Variants in EML6 observed in about 807,000 individuals in gnomAD.
EML6 encodes echinoderm microtubule-associated protein-like 6.
In EML6, 154 loss-of-function variants were observed where a neutral mutation model predicts 240.1. The ratio of observed to expected loss-of-function variants is 0.64; its 90% confidence interval spans 0.56 to 0.73. The LOEUF (loss-of-function observed/expected upper bound fraction) is 0.73. EML6 is among the 30% of genes least tolerant of loss of function. The pLI is 0.00. For synonymous variants in EML6, 1,148 were observed against 899.0 expected (o/e 1.28, Z -4.95); for missense variants, 2,964 against 2,474.6 (o/e 1.20, Z -4.20).
chr2:54,818,666 G>A (rs931550628), intron 4 of EML6, among the ~76,000 whole-genome samples: 6 of 152,312 alleles, frequency 3.9e-5, no homozygotes, highest in Admixed American at 3.9e-4. Context: ...TGACTTGCCT[G>A]TATGTTTCAG....
chr2:54,890,121 AC>A (rs1467277265), intron 17 of EML6, among the ~76,000 whole-genome samples: 1 of 152,140 alleles, frequency 6.6e-6, no homozygotes, highest in Non-Finnish European at 1.5e-5. Context: ...TTTGTCAAAT[AC>A]CTTTTCAGCA....
chr2:54,892,632 G>A lies in EML6; in HGVS notation c.2718G>A (p.Val906=), dbSNP rs1283250404. Residue 906 remains valine (V), a synonymous_variant, in exon 19 of 42, where the codon GTG becomes GTA. Coordinates refer to ENST00000356458, the MANE Select transcript of EML6 (RefSeq NM_001039753.4). ...CAGTGAAAGCTCATGATGGGCCTGTGTTTGCTATGTATGCACTGGATAAGG... is the reference window on the plus strand; with the variant it reads ...CAGTGAAAGCTCATGATGGGCCTGTATTTGCTATGTATGCACTGGATAAGG... The part of the protein sequence containing the change: ...LKTVKAHDGP[V]FAMYALDKGF... 6.4e-7 allele frequency: 1 copy of A among 1,551,648 alleles called. No individual in the cohort carries two copies. The highest frequency in any genetic ancestry group is 1.4e-5 in the African/African-American group (1 of 73,140).
intron 32 of EML6, 53 bp downstream of exon 32, chr2:54,954,209 G>C (rs759410684): frequency 1.3e-6 from 2 of 1,487,388 alleles, no homozygotes; most frequent in Non-Finnish European, 1.8e-6. Flanking sequence ...TGTGGGTGTC[G>C]AGCCTGTGGG....
At chr2:54,797,269 G>A (rs1669868393) in intron 2 of EML6, among the ~76,000 whole-genome samples, 1 of 151,542 alleles carries the variant, frequency 6.6e-6, no homozygotes, top group African/African-American at 2.4e-5. Flanking sequence ...GATGGATGCT[G>A]CTGGTCTGAA....
chr2:54,857,484 A>T (rs984640694), intron 11 of EML6, among the ~76,000 whole-genome samples: 2 of 152,234 alleles, frequency 1.3e-5, no homozygotes, highest in African/African-American at 4.8e-5. Context: ...TAGGCCAGTG[A>T]TGAAAACAAG....
chr2:54,762,913 G>C lies in EML6; in HGVS notation c.197+37655G>C, dbSNP rs78147727. ...TTGTTCTTGACCTTTTCAGCAGATG[G>C]AGCTGGGGAATATATATACCTACAC... is the stretch of plus-strand genomic sequence containing the variant. On this transcript the variant is annotated intron_variant, in intron 2 of 41. Coordinates refer to ENST00000356458, the MANE Select transcript of EML6 (RefSeq NM_001039753.4). Among the ~76,000 whole-genome samples, 292 of 152,258 alleles carry C rather than the reference G, an allele frequency of 1.9e-3. 1 individual carries two copies. In the East Asian group the frequency reaches 0.03, roughly 16 times the overall value.
At chr2:54,953,388 T>C (rs1194758311) in intron 31 of EML6, among the ~76,000 whole-genome samples, 1 of 152,242 alleles carries the variant, frequency 6.6e-6, no homozygotes, top group Non-Finnish European at 1.5e-5. Flanking sequence ...TGTTTGCTGA[T>C]TGTATCTTGC....
intron 2 of EML6, among the ~76,000 whole-genome samples, chr2:54,763,151 G>A (rs906797704): frequency 1.3e-5 from 2 of 152,186 alleles, no homozygotes; most frequent in Non-Finnish European, 2.9e-5. Flanking sequence ...GCATAAAATA[G>A]TTTCAGGATT....
At chr2:54,847,363 G>T in intron 8 of EML6, 123 bp from the exon 9 acceptor site, 2 of 975,932 alleles carry the variant, frequency 2.0e-6, no homozygotes, top group Non-Finnish European at 3.0e-6. Flanking sequence ...AAGGGCTCTG[G>T]TGTGAAGTTC....
chr2:54,823,397 C>G (rs975439759), intron 5 of EML6, among the ~76,000 whole-genome samples: 3 of 152,066 alleles, frequency 2.0e-5, no homozygotes, highest in Non-Finnish European at 2.9e-5. Context: ...TGGGTGGGTC[C>G]TTGGCTCATG....
chr2:54,851,051 A>G (rs920187221), intron 10 of EML6, among the ~76,000 whole-genome samples: 1 of 152,234 alleles, frequency 6.6e-6, no homozygotes, highest in Non-Finnish European at 1.5e-5. Context: ...TTAACAATGC[A>G]TGGGAATGAT....
At chr2:54,922,420 C>T (rs1156763664) in intron 26 of EML6, among the ~76,000 whole-genome samples, 7 of 152,048 alleles carry the variant, frequency 4.6e-5, no homozygotes, top group South Asian at 2.1e-4. Flanking sequence ...AGGAAGGGAA[C>T]CCTTGTACAC....
In EML6 at chr2:54,895,373, G is replaced by C; in HGVS notation, c.2955G>C (p.Lys985Asn). Residue 985 changes from lysine to asparagine, a missense_variant, in exon 21 of 42, where the codon AAG becomes AAC. Transcript: ENST00000356458. ...TKNGEILEID[K>N]SGPMTLLVQG... Reference sequence around the variant, plus strand: ...ATGGAGAGATTCTGGAAATTGATAAGAGTGGCCCAATGACACTGCTTGTTC... The same window carrying C: ...ATGGAGAGATTCTGGAAATTGATAACAGTGGCCCAATGACACTGCTTGTTC... 2 of 1,552,010 alleles carry C rather than the reference G, an allele frequency of 1.3e-6. No individual in the cohort carries two copies. Among genetic ancestry groups the C allele is most frequent in the South Asian group, 2.4e-5 (2 of 84,058 alleles).
intron 2 of EML6, among the ~76,000 whole-genome samples, chr2:54,755,994 G>T (rs752717850): frequency 1.4e-4 from 22 of 151,994 alleles, no homozygotes; most frequent in Non-Finnish European, 2.8e-4. Context: ...GTATGCAGAG[G>T]GTTGGACTTT....
At chr2:54,934,318 T>G (rs1209533154) in intron 28 of EML6, among the ~76,000 whole-genome samples, 2 of 152,116 alleles carry the variant, frequency 1.3e-5, no homozygotes, top group Admixed American at 6.5e-5. Flanking sequence ...TGGGAAAATT[T>G]GTATCCTCCC....
chr2:54,820,971 G>C (rs761962584), intron 5 of EML6, among the ~76,000 whole-genome samples: 1 of 151,954 alleles, frequency 6.6e-6, no homozygotes, highest in Non-Finnish European at 1.5e-5. Context: ...CTCTCATCTG[G>C]GTAGACCTAC....
chr2:54,966,958 G>T, intron 38 of EML6, 42 bp from the exon 39 acceptor site: 2 of 1,347,922 alleles, frequency 1.5e-6, no homozygotes, highest in African/African-American at 1.4e-5. Flanking sequence ...CTGTGGGACT[G>T]AGAAAGAACG....
At chr2:54,817,499 C>T (rs1232299719) in intron 4 of EML6, among the ~76,000 whole-genome samples, 7 of 152,132 alleles carry the variant, frequency 4.6e-5, no homozygotes. Context: ...GCATGACTGT[C>T]TTACTTGAAT....
At chr2:54,860,620 C>T (rs1670623563) in intron 12 of EML6, among the ~76,000 whole-genome samples, 1 of 152,134 alleles carries the variant, frequency 6.6e-6, no homozygotes, top group Non-Finnish European at 1.5e-5. Flanking sequence ...CATTGAGCTC[C>T]CCAACTTTTA....
Sources: allele counts gnomAD v4.1 joint callset (sites outside exome capture counted in the v4.1 genomes callset), GRCh38; gene constraint gnomAD v4.1.1; transcripts MANE v1.5; gene names NCBI Gene and HGNC (gene_info 2026-07-23, HGNC 2026-07-21).